MRPL1: variants seen among roughly 807,000 people sequenced by gnomAD.
The protein encoded by MRPL1 is large ribosomal subunit protein uL1m.
Under a neutral mutation model 38.0 loss-of-function variants are expected in MRPL1, and 28 were observed. The ratio of observed to expected loss-of-function variants is 0.74; its 90% CI spans 0.55 to 1.01. The LOEUF (loss-of-function observed/expected upper bound fraction) is 1.01, where lower values mean the gene tolerates loss of function less well. Ranked by LOEUF, MRPL1 falls within the 50% of genes least tolerant of loss-of-function variation. The probability of loss-of-function intolerance (pLI) is 0.00; values close to 1 mark genes in which losing one functional copy is unlikely to be tolerated. For missense variants in MRPL1, 358 were observed against 389.8 expected (o/e 0.92, Z 0.69); for synonymous variants, 123 against 126.7 (o/e 0.97, Z 0.20).
At chr4:77,944,963 C>T (rs1016014275) in intron 7 of MRPL1, among the ~76,000 whole-genome samples, 1 of 151,948 alleles carries the variant, frequency 6.6e-6, no homozygotes, top group Admixed American at 6.6e-5. Context: ...TGTGTGTGCT[C>T]ATGAATAAGT....
chr4:77,947,478 C>G (rs1391473296), intron 7 of MRPL1, among the ~76,000 whole-genome samples: 3 of 152,202 alleles, frequency 2.0e-5, no homozygotes, highest in Middle Eastern at 3.4e-3. Context: ...CCTTGCTGTA[C>G]CAAATCATAT....
At chr4:77,883,582 T>C in intron 3 of MRPL1, 82 bp downstream of exon 3, 1 of 1,351,082 alleles carries the variant, frequency 7.4e-7, no homozygotes. Context: ...TTTATTGTTA[T>C]TATTATTTTT....
intron 5 of MRPL1, among the ~76,000 whole-genome samples, chr4:77,887,735 T>C (rs1560462786): frequency 6.6e-6 from 1 of 152,076 alleles, no homozygotes; most frequent in Non-Finnish European, 1.5e-5. Flanking sequence ...CCCAGGCTGG[T>C]CTTGAACTCT....
At chr4:77,951,675 C>T (rs1356766776) in intron 8 of MRPL1, among the ~76,000 whole-genome samples, 1 of 152,130 alleles carries the variant, frequency 6.6e-6, no homozygotes, top group Admixed American at 6.5e-5. Context: ...TGGCCAGAGC[C>T]ACTGTCTGTG....
chr4:77,872,280 TTTAATTTAATTAAGAAA>T (rs1160759676), intron 2 of MRPL1, among the ~76,000 whole-genome samples: 1 of 147,484 alleles, frequency 6.8e-6, no homozygotes, highest in African/African-American at 2.6e-5. Flanking sequence ...ATTAATGAAT[TTTAATTTAATTAAGAAA>T]TTAATTTAAT....
rs149321609 is a variant in MRPL1 at position 77,887,758 on chromosome 4, A to G, written c.558+467A>G. 3.4e-4 allele frequency among the ~76,000 whole-genome samples: 52 copies of G among 152,166 alleles called. No homozygotes were observed. The East Asian group carries it at 9.1e-3, about 27-fold the overall frequency. Reference sequence around the variant, plus strand: ...GGTCTTGAACTCTTGGCATCAAGCAATCCTCCTGCCTTGGCCTCCCAAAGT... The same window carrying G: ...GGTCTTGAACTCTTGGCATCAAGCAGTCCTCCTGCCTTGGCCTCCCAAAGT... On this transcript the variant is annotated intron_variant, in intron 5 of 8. Coordinates refer to ENST00000315567, the MANE Select transcript of MRPL1 (RefSeq NM_020236.4).
rs771969573 is a variant in MRPL1, at chr4:77,883,358, A to G, written c.260A>G (p.Tyr87Cys). ...YMEGEPEDDVYLKRLYPRQIY... is the reference protein window; with the variant it reads ...YMEGEPEDDVCLKRLYPRQIY... ...GAAGGCGAACCTGAGGATGATGTCT[A>G]TTTAAAACGCTTATACCCGAGACAG... The change falls in exon 3 of 9, where the codon TAT becomes TGT. Residue 87 changes from tyrosine to cysteine, a missense_variant. Tyr to Cys is a radical substitution (Grantham distance 194). Transcript: ENST00000315567. 121 of 1,613,898 alleles carry G rather than the reference A, an allele frequency of 7.5e-5. No homozygotes were observed. Among genetic ancestry groups the G allele is most frequent in the Non-Finnish European group, 7.8e-5 (92 of 1,179,970 alleles).
In MRPL1 at chr4:77,881,443, CTT is replaced by C. The variant is rs760628841; in HGVS notation, c.144-1781_144-1780del. On this transcript the variant is annotated intron_variant, in intron 2 of 8. Transcript: ENST00000315567. ...CTCCTTTTCCCATCTTCAATATTTACTTTTTTTTTTTTTTTTTTTGAGACAGG... is the reference window on the plus strand; with the variant it reads ...CTCCTTTTCCCATCTTCAATATTTACTTTTTTTTTTTTTTTTTGAGACAGG... Among the ~76,000 whole-genome samples the C allele has an allele frequency of 5.3e-3, 702 of 133,002 alleles. 4 individuals are homozygous for C. The highest frequency in any genetic ancestry group is 0.018 in the African/African-American group (651 of 35,262). The allele number at this position is 133,002 out of a possible 152,430, so 87.3% of individuals were successfully genotyped here.
At chr4:77,939,686 AAGT>A (rs1377469881) in intron 7 of MRPL1, among the ~76,000 whole-genome samples, 1 of 152,176 alleles carries the variant, frequency 6.6e-6, no homozygotes, top group African/African-American at 2.4e-5. Context: ...CTTAGATTTT[AAGT>A]CCTTGATCCA....
chr4:77,932,983 G>T (rs1213896484), intron 7 of MRPL1, among the ~76,000 whole-genome samples: 1 of 152,102 alleles, frequency 6.6e-6, no homozygotes, highest in East Asian at 1.9e-4. Context: ...GACAGGTCTT[G>T]CTGTGTTGCC....
chr4:77,914,178 C>A (rs1223422968), intron 7 of MRPL1, among the ~76,000 whole-genome samples: 1 of 151,986 alleles, frequency 6.6e-6, no homozygotes, highest in Non-Finnish European at 1.5e-5. Flanking sequence ...ATGGATAAAC[C>A]TCAAGAATAT....
At chr4:77,870,451 T>G (rs114055323) in intron 1 of MRPL1, among the ~76,000 whole-genome samples, 1 of 152,196 alleles carries the variant, frequency 6.6e-6, no homozygotes, top group African/African-American at 2.4e-5. Context: ...TAAACTGATA[T>G]GAAGTGATCT....
chr4:77,935,536 A>C (rs1261866942), intron 7 of MRPL1, among the ~76,000 whole-genome samples: 2 of 151,990 alleles, frequency 1.3e-5, no homozygotes, highest in Non-Finnish European at 2.9e-5. Context: ...CTGGGATTAC[A>C]GGTGCCCGCC....
chr4:77,926,407 A>G (rs1578057363), intron 7 of MRPL1, among the ~76,000 whole-genome samples: 2 of 152,190 alleles, frequency 1.3e-5, no homozygotes, highest in East Asian at 3.9e-4. Context: ...TAGGCAGGAG[A>G]TAAGAAGAGG....
At chr4:77,898,639 C>T (rs948455600) in intron 6 of MRPL1, among the ~76,000 whole-genome samples, 4 of 151,718 alleles carry the variant, frequency 2.6e-5, no homozygotes, top group African/African-American at 9.7e-5. Flanking sequence ...TACAGGTGTG[C>T]GCCACCATGC....
chr4:77,924,758 T>G (rs1736672152), intron 7 of MRPL1, among the ~76,000 whole-genome samples: 1 of 152,224 alleles, frequency 6.6e-6, no homozygotes, highest in African/African-American at 2.4e-5. Context: ...AAATTTATGG[T>G]ACATATCGGT....
rs756612123 is a variant in MRPL1, at chr4:77,894,150, T to C, written c.570T>C (p.Asp190=). The part of the protein sequence containing the change: ...GTSLIQKIWD[D]EIVADFYVAV... ...TTTTTAATTTTCAGATTTGGGATGA[T>C]GAAATTGTTGCAGACTTTTACGTAG... The change falls in exon 6 of 9, where the codon GAT becomes GAC. Residue 190 remains aspartate (D), a synonymous_variant. Transcript: ENST00000315567. 4.1e-5 allele frequency: 65 copies of C among 1,595,332 alleles called. No individual in the cohort carries two copies. Among genetic ancestry groups the C allele is most frequent in the Non-Finnish European group, 5.1e-5 (60 of 1,168,776 alleles).
intron 3 of MRPL1, 114 bp from the exon 4 acceptor site, chr4:77,885,142 A>G (rs966575362): frequency 4.2e-6 from 3 of 717,912 alleles, no homozygotes; most frequent in Non-Finnish European, 7.3e-6. Context: ...ATGGAAGAAC[A>G]TAGAGTAGAA....
chr4:77,875,030 C>T (rs1431348864), intron 2 of MRPL1, among the ~76,000 whole-genome samples: 1 of 151,820 alleles, frequency 6.6e-6, no homozygotes, highest in Admixed American at 6.6e-5. Flanking sequence ...TCAGGTGATC[C>T]ACCTGCCTTG....
Sources: allele counts gnomAD v4.1 joint callset (sites outside exome capture counted in the v4.1 genomes callset), GRCh38; gene constraint gnomAD v4.1.1; transcripts MANE v1.5; gene names NCBI Gene and HGNC (gene_info 2026-07-23, HGNC 2026-07-21).